ANKS1B: variants seen among roughly 807,000 people sequenced by gnomAD.
ANKS1B encodes the protein ankyrin repeat and sterile alpha motif domain-containing protein 1B.
A neutral mutation model predicts 148.3 loss-of-function variants in ANKS1B; 36 were observed. The observed-to-expected ratio is 0.24, with a 90% confidence interval of 0.19 to 0.32. ANKS1B has a LOEUF of 0.32. Ranked by LOEUF, ANKS1B falls within the 10% of genes least tolerant of loss-of-function variation. ANKS1B has a pLI of 1.00. For synonymous variants in ANKS1B, 542 were observed against 560.8 expected (o/e 0.97, Z 0.47); for missense variants, 1,157 against 1,542.6 (o/e 0.75, Z 4.19).
chr12:99,916,288 T>C (rs1358128655), intron 1 of ANKS1B, among the ~76,000 whole-genome samples: 1 of 152,174 alleles, frequency 6.6e-6, no homozygotes, highest in Non-Finnish European at 1.5e-5. Flanking sequence ...TATGCCAGTA[T>C]ATACACTGGT....
chr12:98,867,363 A>G (rs1431003177), intron 17 of ANKS1B, among the ~76,000 whole-genome samples: 1 of 152,248 alleles, frequency 6.6e-6, no homozygotes, highest in Non-Finnish European at 1.5e-5. Context: ...CACAGACAAG[A>G]AAAATGTAAT....
intron 9 of ANKS1B, among the ~76,000 whole-genome samples, chr12:99,637,532 C>G (rs951934165): frequency 6.6e-6 from 1 of 151,984 alleles, no homozygotes; most frequent in Non-Finnish European, 1.5e-5. Flanking sequence ...GCAGACCCAC[C>G]CTTAATCTGG....
chr12:99,091,021 C>T (rs976134161), intron 15 of ANKS1B, among the ~76,000 whole-genome samples: 16 of 151,982 alleles, frequency 1.1e-4, no homozygotes, highest in African/African-American at 2.2e-4. Context: ...TTCTGTCTAC[C>T]GCAATAAAAT....
chr12:98,752,402 G>T (rs1360642627), intron 25 of ANKS1B, among the ~76,000 whole-genome samples: 1 of 152,084 alleles, frequency 6.6e-6, no homozygotes, highest in African/African-American at 2.4e-5. Context: ...GGGACTACAG[G>T]CACGTGCCAC....
At chr12:98,894,985 G>A (rs2099761598) in intron 17 of ANKS1B, 1 of 784,676 alleles carries the variant, frequency 1.3e-6, no homozygotes, top group Non-Finnish European at 1.5e-6. Flanking sequence ...CGCCTGCCCT[G>A]GCGGCAGCGG....
chr12:99,075,321 A>G lies in ANKS1B; in HGVS notation c.2625+9604T>C, dbSNP rs114496266. Among the ~76,000 whole-genome samples the G allele has an allele frequency of 2.4e-3, 370 of 152,294 alleles. 1 individual carries two copies. The highest frequency in any genetic ancestry group is 8.7e-3 in the African/African-American group (363 of 41,558). On this transcript the variant is annotated intron_variant, in intron 16 of 26. Coordinates refer to ENST00000683438, the MANE Select transcript of ANKS1B (RefSeq NM_001352186.2). The stretch of plus-strand genomic sequence containing the variant: ...TACCCTGCTGTCATGGCAGCCCACA[A>G]AGAACTCCAGGATGGAAGGGTCCAT...
intron 17 of ANKS1B, among the ~76,000 whole-genome samples, chr12:98,904,265 A>T (rs927789672): frequency 6.6e-6 from 1 of 152,128 alleles, no homozygotes; most frequent in Non-Finnish European, 1.5e-5. Context: ...GGGTGAGGGC[A>T]AGAGTGAAAC....
chr12:99,923,767 G>T (rs1020750075), intron 1 of ANKS1B, among the ~76,000 whole-genome samples: 1 of 151,890 alleles, frequency 6.6e-6, no homozygotes, highest in Non-Finnish European at 1.5e-5. Flanking sequence ...GGACTTTTAG[G>T]GGGGTACCTA....
intron 17 of ANKS1B, among the ~76,000 whole-genome samples, chr12:98,919,905 C>T (rs141556479): frequency 6.6e-6 from 1 of 152,134 alleles, no homozygotes; most frequent in African/African-American, 2.4e-5. Context: ...TGACTACACT[C>T]GAGACTTTCC....
At chr12:99,308,481 T>A (rs1252384122) in intron 12 of ANKS1B, among the ~76,000 whole-genome samples, 2 of 152,042 alleles carry the variant, frequency 1.3e-5, no homozygotes, top group Non-Finnish European at 2.9e-5. Context: ...TAGGCTGTCT[T>A]TTCCATGTCA....
intron 9 of ANKS1B, among the ~76,000 whole-genome samples, chr12:99,627,245 C>G (rs1159219000): frequency 1.3e-5 from 2 of 152,034 alleles, no homozygotes; most frequent in Non-Finnish European, 2.9e-5. Flanking sequence ...TGTTCTTTAC[C>G]TTTTTATGTT....
chr12:99,276,275 C>T (rs2077656340), intron 12 of ANKS1B, among the ~76,000 whole-genome samples: 1 of 152,162 alleles, frequency 6.6e-6, no homozygotes, highest in Non-Finnish European at 1.5e-5. Flanking sequence ...CCCATCTCCT[C>T]CCGAAATTCA....
intron 9 of ANKS1B, among the ~76,000 whole-genome samples, chr12:99,639,594 C>A (rs2098280750): frequency 6.6e-6 from 1 of 152,160 alleles, no homozygotes; most frequent in Non-Finnish European, 1.5e-5. Context: ...GCAATTGGAT[C>A]AGGGACAGTT....
chr12:99,984,817 G>A lies in ANKS1B; in HGVS notation c.-580C>T, dbSNP rs1398896971. ...GTGGCCCGCGCCGAGGCAGGGCGGT[G>A]GGGGGCAGCCGCAGCGGGCGCGTGC... On this transcript the variant is annotated 5_prime_UTR_variant, in exon 1 of 27. Coordinates refer to ENST00000683438, the MANE Select transcript of ANKS1B (RefSeq NM_001352186.2). Among the ~76,000 whole-genome samples the A allele has an allele frequency of 1.4e-5, 2 of 146,216 alleles. No homozygotes were observed. Among genetic ancestry groups the A allele is most frequent in the Non-Finnish European group, 3.0e-5 (2 of 65,822 alleles).
intron 8 of ANKS1B, among the ~76,000 whole-genome samples, chr12:99,731,181 C>T (rs971113204): frequency 2.0e-5 from 3 of 150,180 alleles, no homozygotes; most frequent in Admixed American, 6.6e-5. Flanking sequence ...TGCAGTGGCA[C>T]GATCTCGGCT....
intron 8 of ANKS1B, among the ~76,000 whole-genome samples, chr12:99,681,129 A>AT (rs1332664721): frequency 7.2e-5 from 11 of 152,156 alleles, no homozygotes; most frequent in Non-Finnish European, 1.5e-5. Flanking sequence ...TCACCTGAGA[A>AT]TCCTGAGTAC....
intron 12 of ANKS1B, among the ~76,000 whole-genome samples, chr12:99,378,121 C>G (rs1049330389): frequency 6.6e-6 from 1 of 152,082 alleles, no homozygotes; most frequent in Admixed American, 6.6e-5. Context: ...ATTTAAGAAC[C>G]ACAAAAGGCT....
chr12:99,436,721 A>T (rs2095467123), intron 11 of ANKS1B, among the ~76,000 whole-genome samples: 1 of 152,008 alleles, frequency 6.6e-6, no homozygotes, highest in Non-Finnish European at 1.5e-5. Flanking sequence ...CATTAATCAT[A>T]CACAGGTCCA....
chr12:99,718,499 A>G (rs2057703714), intron 8 of ANKS1B, among the ~76,000 whole-genome samples: 1 of 152,204 alleles, frequency 6.6e-6, no homozygotes, highest in Admixed American at 6.5e-5. Context: ...CCCATCCCAC[A>G]GCATGCTTTA....
Sources: gnomAD v4.1 joint callset for allele counts (sites outside exome capture counted in the v4.1 genomes callset) on GRCh38, gnomAD v4.1.1 for gene constraint, MANE v1.5 for transcripts, NCBI Gene and HGNC (gene_info 2026-07-23, HGNC 2026-07-21) for gene names.